Variants in RAB18 observed in about 807,000 individuals in gnomAD.
RAB18 encodes the protein RAB18, member RAS oncogene family, also known as ras-related protein Rab-18.
RAB18 carries 10 observed loss-of-function variants against 28.5 expected under a neutral mutation model. The observed-to-expected ratio is 0.35, with a 90% CI of 0.22 to 0.60. The LOEUF (loss-of-function observed/expected upper bound fraction) is 0.60, where lower values mean the gene tolerates loss of function less well. Ranked by LOEUF, RAB18 falls within the 20% of genes least tolerant of loss-of-function variation. The probability of loss-of-function intolerance (pLI) is 0.78; values close to 1 mark genes in which losing one functional copy is unlikely to be tolerated. For synonymous variants in RAB18, 93 were observed against 86.9 expected (o/e 1.07, Z -0.39); for missense variants, 188 against 244.2 (o/e 0.77, Z 1.53).
At chr10:27,510,021 A>AC in intron 2 of RAB18, 91 bp downstream of exon 2, 5 of 934,918 alleles carry the variant, frequency 5.3e-6, no homozygotes, top group Non-Finnish European at 8.7e-6. Flanking sequence ...TCCTCTCACC[A>AC]CCCCACTGCC....
In RAB18 at chr10:27,526,867, A is replaced by ATAAGGC; in HGVS notation, c.168_173dup (p.Ala57_Lys58dup). 1 of 1,613,314 alleles carries ATAAGGC rather than the reference A, an allele frequency of 6.2e-7. No individual in the cohort carries two copies. Among genetic ancestry groups the ATAAGGC allele is most frequent in the Non-Finnish European group, 8.5e-7 (1 of 1,179,490 alleles). ...GTGAAAACAATTTCAGTGGATGGAA[A>ATAAGGC]TAAGGCTAAACTTGCAATATGGGTA... On this transcript the variant is annotated inframe_insertion, in exon 3 of 7. Transcript: ENST00000356940.
At chr10:27,529,033 A>C (rs1355584440) in intron 3 of RAB18, among the ~76,000 whole-genome samples, 2 of 152,014 alleles carry the variant, frequency 1.3e-5, no homozygotes, top group Non-Finnish European at 2.9e-5. Context: ...CTTTTTCTTC[A>C]TTAAAGTCTT....
intron 2 of RAB18, among the ~76,000 whole-genome samples, chr10:27,520,916 CAA>C (rs58688075): frequency 0.045 from 1,771 of 39,762 alleles, 7 homozygotes; most frequent in African/African-American, 0.17. Context: ...GACTCCATCT[CAA>C]AAAAAAAAAA....
At chr10:27,504,643 G>C (rs779873248) in intron 1 of RAB18, 6 of 748,828 alleles carry the variant, frequency 8.0e-6, no homozygotes, top group Admixed American at 3.8e-5. Context: ...CCCGGCCTTT[G>C]CCAGGCCCAA....
intron 2 of RAB18, among the ~76,000 whole-genome samples, chr10:27,512,043 G>A (rs1412651422): frequency 6.6e-6 from 1 of 151,702 alleles, no homozygotes; most frequent in African/African-American, 2.4e-5. Flanking sequence ...TCCTGCCTCA[G>A]CCTCCCAAGT....
Position 27,538,382 on chromosome 10 carries a change from T to G in RAB18, c.*331T>G. The G allele has an allele frequency of 2.1e-6, 1 of 474,410 alleles. No individual in the cohort carries two copies. The highest frequency in any genetic ancestry group is 4.2e-6 in the Non-Finnish European group (1 of 240,318). 29.4% of individuals were successfully genotyped at this position (474,410 alleles called of 1,614,324 possible). On this transcript the variant is annotated 3_prime_UTR_variant, in exon 7 of 7. Coordinates refer to ENST00000356940, the MANE Select transcript of RAB18 (RefSeq NM_021252.5). ...GATACAAAGTCTGCTTTTGCTATTC[T>G]TTTTGCTTAAATACTCCTATCATTT...
At chr10:27,530,981 T>C (rs1217913795) in intron 3 of RAB18, among the ~76,000 whole-genome samples, 4 of 152,094 alleles carry the variant, frequency 2.6e-5, no homozygotes, top group Non-Finnish European at 5.9e-5. Context: ...AAACAGCTTT[T>C]AATTTATATT....
At chr10:27,528,811 T>G (rs1249688189) in intron 3 of RAB18, among the ~76,000 whole-genome samples, 1 of 152,080 alleles carries the variant, frequency 6.6e-6, no homozygotes, top group Non-Finnish European at 1.5e-5. Flanking sequence ...AAGCCTTTTT[T>G]TTCAGTTTAT....
intron 2 of RAB18, chr10:27,510,412 G>T: frequency 5.8e-6 from 1 of 173,058 alleles, no homozygotes; most frequent in Non-Finnish European, 1.2e-5. Context: ...ATTGATACTA[G>T]TTATTAAGGA....
chr10:27,514,367 A>G (rs1324183323), intron 2 of RAB18: 1 of 152,260 alleles, frequency 6.6e-6, no homozygotes, highest in Admixed American at 6.5e-5. Context: ...AGCACAACGC[A>G]CTTGACATAA....
chr10:27,516,913 C>T (rs1170081064), intron 2 of RAB18, among the ~76,000 whole-genome samples: 1 of 152,038 alleles, frequency 6.6e-6, no homozygotes, highest in Non-Finnish European at 1.5e-5. Context: ...AAAATGTAGC[C>T]TAAGTTAGGT....
chr10:27,513,063 C>T (rs1000142586), intron 2 of RAB18, among the ~76,000 whole-genome samples: 24 of 146,942 alleles, frequency 1.6e-4, no homozygotes, highest in African/African-American at 4.5e-4. Context: ...ACAAGAGTCT[C>T]GCTGTGTTGC....
intron 1 of RAB18, among the ~76,000 whole-genome samples, chr10:27,507,785 C>G (rs1033909269): frequency 2.6e-5 from 4 of 151,804 alleles, no homozygotes; most frequent in Admixed American, 2.6e-4. Flanking sequence ...ATCCTGTAAT[C>G]CTAGCTACTC....
intron 6 of RAB18, among the ~76,000 whole-genome samples, chr10:27,534,539 A>G (rs1784441003): frequency 1.3e-5 from 2 of 152,246 alleles, no homozygotes; most frequent in African/African-American, 2.4e-5. Flanking sequence ...CTTTTGTGCC[A>G]TATGGCAGAG....
chr10:27,532,598 G>A lies in RAB18; in HGVS notation c.259+19G>A, dbSNP rs778485179. 9.1e-6 allele frequency: 14 copies of A among 1,534,434 alleles called. No individual in the cohort carries two copies. The African/African-American group carries it at 1.5e-4, about 16-fold the overall frequency. ...ATATTAGGTAAGTGTTTACTTTAAT[G>A]TACTATTTAAAAATATTTATTGGAG... On this transcript the variant is annotated intron_variant, in intron 4 of 6. Transcript: ENST00000356940.
chr10:27,526,721 A>G, intron 2 of RAB18, 107 bp from the exon 3 acceptor site: 1 of 1,348,344 alleles, frequency 7.4e-7, no homozygotes, highest in Non-Finnish European at 1.0e-6. Context: ...TTGGGGTGTG[A>G]ATTGGGCATT....
intron 4 of RAB18, among the ~76,000 whole-genome samples, chr10:27,533,031 A>G (rs1383670032): frequency 1.3e-5 from 2 of 152,102 alleles, no homozygotes; most frequent in Admixed American, 6.5e-5. Flanking sequence ...CCAGATGTGG[A>G]TTCTCAGTGT....
At chr10:27,511,155 A>G (rs1278623862) in intron 2 of RAB18, among the ~76,000 whole-genome samples, 1 of 152,204 alleles carries the variant, frequency 6.6e-6, no homozygotes, top group Non-Finnish European at 1.5e-5. Context: ...CCAGGATCAT[A>G]CACTGATTTT....
chr10:27,527,055 G>A (rs1484292579), intron 3 of RAB18, 166 bp downstream of exon 3: 1 of 791,700 alleles, frequency 1.3e-6, no homozygotes, highest in Admixed American at 1.7e-5. Flanking sequence ...CTTATAATTG[G>A]GTAATTAGGC....
Sources: allele counts gnomAD v4.1 joint callset (sites outside exome capture counted in the v4.1 genomes callset), GRCh38; gene constraint gnomAD v4.1.1; transcripts MANE v1.5; gene names NCBI Gene and HGNC (gene_info 2026-07-23, HGNC 2026-07-21).